Variants in CPNE4 observed in about 807,000 individuals in gnomAD.
The protein encoded by CPNE4 is copine 4.
CPNE4 carries 25 observed loss-of-function variants against 67.9 expected under a neutral mutation model. That is an observed-to-expected ratio of 0.37 (90% CI 0.27 to 0.51). CPNE4 has a LOEUF of 0.51. Ranked by LOEUF, CPNE4 falls within the 20% of genes least tolerant of loss-of-function variation. The pLI, the probability that CPNE4 is intolerant of heterozygous loss-of-function variation, is 0.93. For missense variants in CPNE4, 464 were observed against 690.8 expected (o/e 0.67, Z 3.68); for synonymous variants, 242 against 244.9 (o/e 0.99, Z 0.11).
intron 6 of CPNE4, among the ~76,000 whole-genome samples, chr3:131,671,083 C>G (rs988278795): frequency 1.3e-5 from 2 of 152,082 alleles, no homozygotes; most frequent in Non-Finnish European, 2.9e-5. Flanking sequence ...CCACAGCACC[C>G]GACCTAGAAT....
chr3:131,877,091 C>A (rs975551349), intron 2 of CPNE4, among the ~76,000 whole-genome samples: 7 of 151,844 alleles, frequency 4.6e-5, no homozygotes, highest in Non-Finnish European at 1.0e-4. Context: ...ATTAGTTTTC[C>A]ATCCTCTTTT....
At chr3:131,820,250 T>C (rs2084913876) in intron 2 of CPNE4, among the ~76,000 whole-genome samples, 1 of 152,174 alleles carries the variant, frequency 6.6e-6, no homozygotes, top group Non-Finnish European at 1.5e-5. Context: ...ACAAGCAAGG[T>C]TGGGCAGTAG....
intron 2 of CPNE4, among the ~76,000 whole-genome samples, chr3:131,862,750 C>A (rs1199033092): frequency 6.6e-6 from 1 of 151,542 alleles, no homozygotes; most frequent in Non-Finnish European, 1.5e-5. Flanking sequence ...GGTACATGTA[C>A]ACAACGTGCA....
intron 12 of CPNE4, 125 bp downstream of exon 12, chr3:131,555,372 C>G: frequency 1.4e-6 from 1 of 721,066 alleles, no homozygotes. Flanking sequence ...AAGACAATTT[C>G]TGACTCTGTA....
chr3:131,952,542 G>C (rs186060009), intron 1 of CPNE4, among the ~76,000 whole-genome samples: 2 of 95,438 alleles, frequency 2.1e-5, no homozygotes, highest in African/African-American at 5.8e-5. Context: ...CCTCCCGCCC[G>C]GCCAGCCACC....
intron 1 of CPNE4, among the ~76,000 whole-genome samples, chr3:132,024,558 TG>T (rs747076299): frequency 8.5e-5 from 13 of 152,214 alleles, no homozygotes; most frequent in Non-Finnish European, 1.8e-4. Context: ...TTGGCCTCTC[TG>T]GTCTTCCATT....
chr3:131,979,844 T>C (rs1392488790), intron 1 of CPNE4, among the ~76,000 whole-genome samples: 1 of 152,182 alleles, frequency 6.6e-6, no homozygotes, highest in Admixed American at 6.5e-5. Flanking sequence ...CCAGGATTTG[T>C]TTTAAGATTT....
intron 1 of CPNE4, among the ~76,000 whole-genome samples, chr3:131,955,416 T>TTTTTTGTTTTTTTTTTGTTTTTG (rs1195078030): frequency 1.6e-5 from 2 of 124,370 alleles, no homozygotes; most frequent in African/African-American, 6.8e-5. Flanking sequence ...TAAGGTTTTT[T>TTTTTTGTTTTTTTTTTGTTTTTG]TTTTTTTTTT....
intron 6 of CPNE4, among the ~76,000 whole-genome samples, chr3:131,675,130 CTT>C (rs748815686): frequency 6.6e-6 from 1 of 152,162 alleles, no homozygotes; most frequent in Admixed American, 6.5e-5. Context: ...CAAAATCCCT[CTT>C]GTTATTGATT....
At chr3:132,011,227 T>C (rs955041012) in intron 1 of CPNE4, among the ~76,000 whole-genome samples, 7 of 152,198 alleles carry the variant, frequency 4.6e-5, no homozygotes, top group Non-Finnish European at 8.8e-5. Flanking sequence ...GATAGATCCC[T>C]TGTGCTTTAG....
chr3:131,784,511 G>A (rs999725281), intron 2 of CPNE4, among the ~76,000 whole-genome samples: 1 of 152,052 alleles, frequency 6.6e-6, no homozygotes, highest in African/African-American at 2.4e-5. Context: ...GCCTGCAAGT[G>A]TGGGTGAATT....
intron 2 of CPNE4, among the ~76,000 whole-genome samples, chr3:131,733,100 C>A (rs947200791): frequency 6.6e-6 from 1 of 152,234 alleles, no homozygotes; most frequent in Admixed American, 6.5e-5. Context: ...AACTTAGAAC[C>A]AAAAAGGTTA....
chr3:131,674,664 A>G (rs2080513847), intron 6 of CPNE4, among the ~76,000 whole-genome samples: 1 of 151,738 alleles, frequency 6.6e-6, no homozygotes, highest in Non-Finnish European at 1.5e-5. Flanking sequence ...ATTTGTTATA[A>G]TGTCTTCAGA....
chr3:131,688,266 G>A (rs926528056), intron 5 of CPNE4, among the ~76,000 whole-genome samples: 3 of 152,092 alleles, frequency 2.0e-5, no homozygotes, highest in Non-Finnish European at 2.9e-5. Context: ...TGGAACATCC[G>A]CTACTACTCT....
intron 5 of CPNE4, among the ~76,000 whole-genome samples, chr3:131,687,164 T>C (rs2080911822): frequency 6.6e-6 from 1 of 152,196 alleles, no homozygotes; most frequent in Admixed American, 6.5e-5. Context: ...GTGTCTTTTC[T>C]AGTGTTTATA....
intron 2 of CPNE4, among the ~76,000 whole-genome samples, chr3:131,820,507 G>A (rs1032198702): frequency 7.2e-5 from 11 of 152,208 alleles, no homozygotes; most frequent in Non-Finnish European, 1.3e-4. Context: ...TCAGCAGCTG[G>A]GCAACAAGTC....
intron 2 of CPNE4, among the ~76,000 whole-genome samples, chr3:131,837,288 G>C (rs2085595667): frequency 6.6e-6 from 1 of 152,000 alleles, no homozygotes; most frequent in Non-Finnish European, 1.5e-5. Flanking sequence ...CCTCAAACTG[G>C]AAACAGTACA....
intron 2 of CPNE4, among the ~76,000 whole-genome samples, chr3:131,866,129 C>G (rs142898097): frequency 6.6e-6 from 1 of 152,224 alleles, no homozygotes; most frequent in South Asian, 2.1e-4. Context: ...GCAACAAATT[C>G]TTCCACATAC....
intron 3 of CPNE4, among the ~76,000 whole-genome samples, chr3:131,708,953 T>C (rs1345603444): frequency 9.2e-6 from 1 of 108,394 alleles, no homozygotes; most frequent in African/African-American, 3.6e-5. Flanking sequence ...TCTGAGGGCA[T>C]AAAGATATAT....
Sources: gnomAD v4.1 joint callset for allele counts (sites outside exome capture counted in the v4.1 genomes callset) on GRCh38, gnomAD v4.1.1 for gene constraint, MANE v1.5 for transcripts, NCBI Gene and HGNC (gene_info 2026-07-23, HGNC 2026-07-21) for gene names.